Variants in SPATA6L observed in about 807,000 individuals in gnomAD.
SPATA6L encodes spermatogenesis associated 6-like protein.
A neutral mutation model predicts 49.2 loss-of-function variants in SPATA6L; 68 were observed. That is an observed-to-expected ratio of 1.38 (90% confidence interval 1.14 to 1.69). The LOEUF (loss-of-function observed/expected upper bound fraction) is 1.69, where lower values mean the gene tolerates loss of function less well. SPATA6L is among the 40% of genes most tolerant of loss of function. The probability of loss-of-function intolerance (pLI) is 0.00; values close to 1 mark genes in which losing one functional copy is unlikely to be tolerated. For synonymous variants in SPATA6L, 198 were observed against 165.7 expected (o/e 1.19, Z -1.50); for missense variants, 668 against 464.3 (o/e 1.44, Z -4.03).
rs1839943987 is a variant in SPATA6L, at chr9:4,662,163, C to T, written c.40-127G>A. The stretch of plus-strand genomic sequence containing the variant: ...TTTTCCCCATCACCTCACTCCCTCA[C>T]CTGTACCTCCCAACGCCAACATCCT... On this transcript the variant is annotated intron_variant, in intron 1 of 11. Coordinates refer to ENST00000682582, the MANE Select transcript of SPATA6L (RefSeq NM_001353486.2). The surrounding 1 kb of genome is among the most constrained non-coding windows in gnomAD (Gnocchi z 4.9). 1 of 1,460,024 alleles carries T rather than the reference C, an allele frequency of 6.8e-7. No homozygotes were observed. Among genetic ancestry groups the T allele is most frequent in the African/African-American group, 1.4e-5 (1 of 70,310 alleles). 90.4% of individuals were successfully genotyped at this position (1,460,024 alleles called of 1,614,324 possible). A position where few individuals can be genotyped will look rare whatever the true frequency, so the allele number is the denominator to read the frequency against.
chr9:4,648,978 C>T (rs1396257952), intron 3 of SPATA6L, among the ~76,000 whole-genome samples: 2 of 152,088 alleles, frequency 1.3e-5, no homozygotes, highest in Non-Finnish European at 2.9e-5. Flanking sequence ...TCTCCAATTT[C>T]ATCCAGGTCA....
At chr9:4,629,057 G>T in intron 5 of SPATA6L, 34 bp downstream of exon 5, 1 of 1,456,884 alleles carries the variant, frequency 6.9e-7, no homozygotes, top group Non-Finnish European at 9.4e-7. Context: ...AAAAAATCCG[G>T]TCATTTCTAT....
chr9:4,615,754 A>G (rs915486034), intron 9 of SPATA6L, among the ~76,000 whole-genome samples: 3 of 152,128 alleles, frequency 2.0e-5, no homozygotes, highest in East Asian at 1.9e-4. Flanking sequence ...GAGACATGTC[A>G]TGATGGTGTC....
Position 4,662,457 on chromosome 9 carries a change from GC to G in SPATA6L, c.40-422del. The G allele has an allele frequency of 6.5e-7, 1 of 1,546,884 alleles. No individual in the cohort carries two copies. Among genetic ancestry groups the G allele is most frequent in the Non-Finnish European group, 8.7e-7 (1 of 1,155,416 alleles). ...CAGCAGCAGCAGCCCCGGCAGCCCA[GC>G]CCATGGCGGCGGTGGCGGCGGCAGC... On this transcript the variant is annotated intron_variant, in intron 1 of 11. Coordinates refer to ENST00000682582, the MANE Select transcript of SPATA6L (RefSeq NM_001353486.2). The surrounding 1 kb of genome is among the most constrained non-coding windows in gnomAD (Gnocchi z 4.9).
Position 4,604,244 on chromosome 9 carries a change from T to A in SPATA6L, c.1115A>T (p.Tyr372Phe). Residue 372 changes from tyrosine (Y) to phenylalanine (F), a missense_variant, in exon 11 of 12, where the codon TAT (tyrosine) becomes TTT (phenylalanine). Tyr to Phe is a conservative substitution (Grantham distance 22). Coordinates refer to ENST00000682582, the MANE Select transcript of SPATA6L (RefSeq NM_001353486.2). ...NKEDSTSEVN[Y>F]IIERPSYPLK... ...AGGGTAGCTTGGTCTTTCAATGATA[T>A]AATTTACTTCAGAGGTAGAATCTTC... 1 of 1,611,018 alleles carries A rather than the reference T, an allele frequency of 6.2e-7. No individual in the cohort carries two copies.
intron 4 of SPATA6L, among the ~76,000 whole-genome samples, chr9:4,629,796 T>TATATATATATATATATATATATAC (rs1389296370): frequency 6.8e-6 from 1 of 146,456 alleles, no homozygotes; most frequent in Non-Finnish European, 1.5e-5. Flanking sequence ...TATATATATA[T>TATATATATATATATATATATATAC]ATGCCCTATC....
At chr9:4,649,062 TAC>T (rs55949521) in intron 3 of SPATA6L, among the ~76,000 whole-genome samples, 49,657 of 149,918 alleles carry the variant, frequency 0.33, 9,545 homozygotes, top group Non-Finnish European at 0.44. Context: ...TATAGAAATA[TAC>T]ACACACACAC....
chr9:4,600,767 A>C lies in SPATA6L; in HGVS notation c.*44T>G, dbSNP rs1222173346. 6.6e-6 allele frequency: 1 copy of C among 152,252 alleles called. No homozygotes were observed. The highest frequency in any genetic ancestry group is 1.5e-5 in the Non-Finnish European group (1 of 68,050). 9.4% of individuals were successfully genotyped at this position (152,252 alleles called of 1,614,324 possible). A position where few individuals can be genotyped will look rare whatever the true frequency, so the allele number is the denominator to read the frequency against. ...TAAGGATGCTTCAATTGTCTCAGTG[A>C]GTGAGCTCTTCATGATTCTCCTTAA... On this transcript the variant is annotated 3_prime_UTR_variant, in exon 12 of 12. Coordinates refer to ENST00000682582, the MANE Select transcript of SPATA6L (RefSeq NM_001353486.2).
At position 4,605,336 on chromosome 9, in the gene SPATA6L, G is replaced by A. The variant is rs372842864; in HGVS notation, c.1089+11C>T. ...AGTGAGCAAAGATCTAGTTTTATAA[G>A]AAAGTCTAACCTTGTTTTGGTGCAG... is the stretch of plus-strand genomic sequence containing the variant. On this transcript the variant is annotated intron_variant, in intron 10 of 11. Transcript: ENST00000682582. The A allele has an allele frequency of 5.0e-6, 8 of 1,606,754 alleles. No homozygotes were observed. Among genetic ancestry groups the A allele is most frequent in the Non-Finnish European group, 5.1e-6 (6 of 1,173,310 alleles).
At position 4,662,188 on chromosome 9, in the gene SPATA6L, T is replaced by TCCC. The variant is rs1393188129; in HGVS notation, c.40-155_40-153dup. Reference sequence around the variant, plus strand: ...CCTGTACCTCCCAACGCCAACATCCTCCCCTCTGCTCTCCTCACATTGGAA... The same window carrying TCCC: ...CCTGTACCTCCCAACGCCAACATCCTCCCCCCCTCTGCTCTCCTCACATTGGAA... On this transcript the variant is annotated intron_variant, in intron 1 of 11. Coordinates refer to ENST00000682582, the MANE Select transcript of SPATA6L (RefSeq NM_001353486.2). This position sits in a 1 kb window ranked among gnomAD's most constrained non-coding sequence, Gnocchi z 4.9. 5.6e-6 allele frequency: 8 copies of TCCC among 1,439,516 alleles called. No homozygotes were observed. The highest frequency in any genetic ancestry group is 6.4e-6 in the Non-Finnish European group (7 of 1,100,310). 89.2% of individuals were successfully genotyped at this position (1,439,516 alleles called of 1,614,324 possible).
chr9:4,641,238 T>C (rs10974703), intron 3 of SPATA6L, among the ~76,000 whole-genome samples: 1 of 152,098 alleles, frequency 6.6e-6, no homozygotes, highest in Non-Finnish European at 1.5e-5. Context: ...ATATTCGTGT[T>C]TATATATACT....
chr9:4,641,589 C>T (rs1834046231), intron 3 of SPATA6L, among the ~76,000 whole-genome samples: 1 of 152,108 alleles, frequency 6.6e-6, no homozygotes, highest in Admixed American at 6.6e-5. Flanking sequence ...AGTACAGACA[C>T]AACCATCATA....
chr9:4,605,002 G>A (rs1276332522), intron 10 of SPATA6L, among the ~76,000 whole-genome samples: 1 of 152,174 alleles, frequency 6.6e-6, no homozygotes, highest in African/African-American at 2.4e-5. Context: ...TGGGATTCAT[G>A]TGTGCAGGGG....
intron 9 of SPATA6L, among the ~76,000 whole-genome samples, chr9:4,607,661 G>T (rs963658484): frequency 6.6e-6 from 1 of 152,024 alleles, no homozygotes; most frequent in African/African-American, 2.4e-5. Flanking sequence ...ACATGGAAAG[G>T]AACAACCGGT....
At chr9:4,652,211 G>A (rs1837059027) in intron 3 of SPATA6L, among the ~76,000 whole-genome samples, 1 of 152,004 alleles carries the variant, frequency 6.6e-6, no homozygotes, top group South Asian at 2.1e-4. Flanking sequence ...ACCTGAGGCC[G>A]GGAGTTCAAG....
intron 2 of SPATA6L, among the ~76,000 whole-genome samples, chr9:4,659,228 C>G (rs7028988): frequency 6.6e-6 from 1 of 151,942 alleles, no homozygotes; most frequent in Non-Finnish European, 1.5e-5. Flanking sequence ...CTTAGCCCTT[C>G]AGAAAATTGA....
At chr9:4,656,116 T>C (rs767363302) in intron 2 of SPATA6L, 27 bp from the exon 3 acceptor site, 13 of 1,598,736 alleles carry the variant, frequency 8.1e-6, no homozygotes, top group Non-Finnish European at 1.1e-5. Flanking sequence ...GGAAAATAAA[T>C]TTTCAAAGTT....
At chr9:4,659,647 A>T (rs1304297938) in intron 2 of SPATA6L, among the ~76,000 whole-genome samples, 1 of 152,202 alleles carries the variant, frequency 6.6e-6, no homozygotes, top group African/African-American at 2.4e-5. Context: ...CAAGCTACCA[A>T]TGACTTTCTT....
chr9:4,657,915 A>G (rs148883613), intron 2 of SPATA6L, among the ~76,000 whole-genome samples: 11 of 152,272 alleles, frequency 7.2e-5, no homozygotes, highest in Non-Finnish European at 1.6e-4. Context: ...CTAGGAATTT[A>G]AAGCACTGGA....
Sources: allele counts gnomAD v4.1 joint callset (sites outside exome capture counted in the v4.1 genomes callset), GRCh38; gene constraint gnomAD v4.1.1; non-coding constraint Gnocchi (gnomAD v3.1); transcripts MANE v1.5; gene names NCBI Gene and HGNC (gene_info 2026-07-23, HGNC 2026-07-21).